The following MALRD1 variants were observed in gnomAD, a reference collection of about 807,000 sequenced individuals.
MALRD1 encodes MAM and LDL-receptor class A domain-containing protein 1.
MALRD1 carries 247 observed loss-of-function variants against 242.1 expected under a neutral mutation model. The ratio of observed to expected loss-of-function variants is 1.02; its 90% CI spans 0.92 to 1.13. MALRD1 has a LOEUF of 1.13. Among genes scored for constraint, MALRD1 ranks in the 50% most tolerant of loss-of-function variants. MALRD1 has a pLI of 0.00. For synonymous variants in MALRD1, 995 were observed against 866.6 expected (o/e 1.15, Z -2.60); for missense variants, 2,989 against 2,533.1 (o/e 1.18, Z -3.86).
Position 19,734,156 on chromosome 10 carries a change from G to T in MALRD1, c.6391-1G>T. On this transcript the variant is annotated splice_acceptor_variant, in intron 39 of 39. Coordinates refer to ENST00000454679, the MANE Select transcript of MALRD1 (RefSeq NM_001142308.3). LOFTEE classifies it high-confidence loss of function. ...CTTTCAAATGTGTTTTTCTTCGTCA[G>T]AGTTCTGTCTATTCCTTCTCAAACC... 6.5e-7 allele frequency: 1 copy of T among 1,530,540 alleles called. No individual in the cohort carries two copies. The highest frequency in any genetic ancestry group is 8.7e-7 in the Non-Finnish European group (1 of 1,144,964). 94.8% of individuals were successfully genotyped at this position (1,530,540 alleles called of 1,614,324 possible).
chr10:19,277,258 C>T (rs562597131), intron 19 of MALRD1, among the ~76,000 whole-genome samples: 2 of 152,198 alleles, frequency 1.3e-5, no homozygotes, highest in Admixed American at 6.5e-5. Context: ...AAACTGACTC[C>T]TCTTCTATAT....
intron 29 of MALRD1, among the ~76,000 whole-genome samples, chr10:19,487,260 A>G (rs1384509841): frequency 6.6e-6 from 1 of 152,110 alleles, no homozygotes; most frequent in Non-Finnish European, 1.5e-5. Flanking sequence ...TGAATAAAAA[A>G]TATAAAATGG....
intron 32 of MALRD1, 142 bp from the exon 33 acceptor site, chr10:19,567,360 C>T (rs1220866810): frequency 9.1e-6 from 7 of 767,910 alleles, no homozygotes; most frequent in South Asian, 7.8e-5. Flanking sequence ...TTATAACCCA[C>T]AATTTCTACA....
chr10:19,710,511 G>A (rs962249139), intron 38 of MALRD1: 4 of 152,010 alleles, frequency 2.6e-5, no homozygotes, highest in African/African-American at 9.7e-5. Context: ...CACATTTATT[G>A]AATAATGCAC....
chr10:19,643,973 G>A (rs952902218), intron 36 of MALRD1, among the ~76,000 whole-genome samples: 1 of 152,136 alleles, frequency 6.6e-6, no homozygotes, highest in Non-Finnish European at 1.5e-5. Flanking sequence ...TTTAATGAGA[G>A]CCAGCTTCTG....
chr10:19,316,443 A>G (rs559702134), intron 21 of MALRD1, among the ~76,000 whole-genome samples: 73 of 152,058 alleles, frequency 4.8e-4, no homozygotes, highest in Admixed American at 5.3e-4. Context: ...GGAGTCAGCC[A>G]GTAAGAAGAC....
In MALRD1 at chr10:19,127,181, A is replaced by G. The variant is rs144697200; in HGVS notation, c.944-1040A>G. Among the ~76,000 whole-genome samples, 822 of 152,294 alleles carry G rather than the reference A, an allele frequency of 5.4e-3. 8 individuals carry two copies. The highest frequency in any genetic ancestry group is 0.037 in the Middle Eastern group (11 of 294). On this transcript the variant is annotated intron_variant, in intron 7 of 39. Transcript: ENST00000454679. ...ATTGATGGGCATTTGGGTTGATTCCATGTCTTTGCTATTGTGAATAGTGTA... is the reference window on the plus strand; with the variant it reads ...ATTGATGGGCATTTGGGTTGATTCCGTGTCTTTGCTATTGTGAATAGTGTA...
intron 21 of MALRD1, among the ~76,000 whole-genome samples, chr10:19,286,582 C>A (rs1460125882): frequency 2.0e-5 from 3 of 151,964 alleles, no homozygotes; most frequent in African/African-American, 7.3e-5. Flanking sequence ...GAAATGGATA[C>A]ATTCCTCGAC....
chr10:19,442,876 A>C (rs1464121480), intron 28 of MALRD1, among the ~76,000 whole-genome samples: 1 of 152,112 alleles, frequency 6.6e-6, no homozygotes. Context: ...CTTGATTGGA[A>C]TAGTTTCAGA....
At position 19,125,439 on chromosome 10, in the gene MALRD1, T is replaced by C. The variant is rs80055823; in HGVS notation, c.943+769T>C. 1.2e-4 allele frequency among the ~76,000 whole-genome samples: 16 copies of C among 138,880 alleles called. 1 individual carries two copies. The South Asian group carries it at 3.3e-3, about 28-fold the overall frequency. The allele number at this position is 138,880 out of a possible 152,430, so 91.1% of individuals were successfully genotyped here. A position where few individuals can be genotyped will look rare whatever the true frequency, so the allele number is the denominator to read the frequency against. On this transcript the variant is annotated intron_variant, in intron 7 of 39. Transcript: ENST00000454679. ...CTTCCTTCCTTCTTTCTTTCTTTCT[T>C]TCTCTCTTTCAACACTGCTCTGTTG...
At chr10:19,340,481 A>G (rs1357022366) in intron 24 of MALRD1, among the ~76,000 whole-genome samples, 2 of 151,984 alleles carry the variant, frequency 1.3e-5, no homozygotes, top group African/African-American at 4.8e-5. Context: ...CTTTGAGCAA[A>G]AAATAGGAGG....
intron 35 of MALRD1, among the ~76,000 whole-genome samples, chr10:19,613,124 C>T (rs539059147): frequency 6.6e-6 from 1 of 151,988 alleles, no homozygotes; most frequent in African/African-American, 2.4e-5. Flanking sequence ...TTGGGCTTAT[C>T]AAAGACAAGG....
At chr10:19,274,218 A>G (rs1485213717) in intron 19 of MALRD1, among the ~76,000 whole-genome samples, 1 of 152,224 alleles carries the variant, frequency 6.6e-6, no homozygotes, top group East Asian at 1.9e-4. Flanking sequence ...GAGGTAGAAT[A>G]ACCCAAATGT....
At chr10:19,377,694 T>G (rs1257001064) in intron 26 of MALRD1, among the ~76,000 whole-genome samples, 2 of 152,134 alleles carry the variant, frequency 1.3e-5, no homozygotes, top group Admixed American at 6.6e-5. Flanking sequence ...TAAGAACAAA[T>G]TTGTTACAAT....
Position 19,497,755 on chromosome 10 carries a change from C to T in MALRD1, c.5159-730C>T, listed in dbSNP as rs185720594. ...CACCCAGTCATTCATTCTGTCTGTA[C>T]AACGCAGTCTGGTTTTACAGTGAGT... On this transcript the variant is annotated intron_variant, in intron 30 of 39. Coordinates refer to ENST00000454679, the MANE Select transcript of MALRD1 (RefSeq NM_001142308.3). Among the ~76,000 whole-genome samples the T allele has an allele frequency of 6.6e-5, 10 of 152,194 alleles. No homozygotes were observed. The East Asian group carries it at 1.9e-3, about 29-fold the overall frequency.
intron 28 of MALRD1, among the ~76,000 whole-genome samples, chr10:19,401,029 TAAAAA>T (rs909193875): frequency 6.6e-6 from 1 of 150,510 alleles, no homozygotes; most frequent in African/African-American, 2.4e-5. Flanking sequence ...AATAAAAAAA[TAAAAA>T]AAGAAGAAGA....
chr10:19,276,958 C>T (rs1840559010), intron 19 of MALRD1, among the ~76,000 whole-genome samples: 1 of 151,896 alleles, frequency 6.6e-6, no homozygotes, highest in Non-Finnish European at 1.5e-5. Context: ...CTTACTCTGT[C>T]ACCCAGACCA....
chr10:19,160,188 T>G (rs1249989738), intron 12 of MALRD1, among the ~76,000 whole-genome samples: 1 of 152,152 alleles, frequency 6.6e-6, no homozygotes, highest in Non-Finnish European at 1.5e-5. Flanking sequence ...TTGAATTTTG[T>G]CAAAGGCTTT....
intron 33 of MALRD1, among the ~76,000 whole-genome samples, chr10:19,582,368 A>C: frequency 6.7e-6 from 1 of 148,660 alleles, no homozygotes; most frequent in East Asian, 2.0e-4. Context: ...CTAACGTTTA[A>C]GTCTTTAATC....
Sources: gnomAD v4.1 joint callset for allele counts (sites outside exome capture counted in the v4.1 genomes callset) on GRCh38, gnomAD v4.1.1 for gene constraint, MANE v1.5 for transcripts, NCBI Gene and HGNC (gene_info 2026-07-23, HGNC 2026-07-21) for gene names.